Variants in PLCH1 observed in about 807,000 individuals in gnomAD.
PLCH1 encodes the protein phospholipase C eta 1, also known as 1-phosphatidylinositol 4,5-bisphosphate phosphodiesterase eta-1.
In PLCH1, 60 loss-of-function variants were observed where a neutral mutation model predicts 126.7. That is an observed-to-expected ratio of 0.47 (90% CI 0.38 to 0.59). The LOEUF (loss-of-function observed/expected upper bound fraction) is 0.59, where lower values mean the gene tolerates loss of function less well. PLCH1 is among the 20% of genes least tolerant of loss of function. The pLI, the probability that PLCH1 is intolerant of heterozygous loss-of-function variation, is 0.00. For missense variants in PLCH1, 1,723 were observed against 2,040.0 expected (o/e 0.84, Z 2.99); for synonymous variants, 719 against 734.9 (o/e 0.98, Z 0.35).
intron 14 of PLCH1, among the ~76,000 whole-genome samples, chr3:155,499,520 G>A (rs1717574570): frequency 6.6e-6 from 1 of 152,118 alleles, no homozygotes; most frequent in Non-Finnish European, 1.5e-5. Flanking sequence ...TCATCCTAGA[G>A]GTGCATTAGG....
At chr3:155,669,330 G>T (rs1040975503) in intron 2 of PLCH1, among the ~76,000 whole-genome samples, 3 of 152,176 alleles carry the variant, frequency 2.0e-5, no homozygotes, top group African/African-American at 7.2e-5. Flanking sequence ...TGTAATCCCA[G>T]CATTCTGGGA....
chr3:155,597,194 C>T (rs1392712648), intron 2 of PLCH1, among the ~76,000 whole-genome samples: 2 of 152,142 alleles, frequency 1.3e-5, no homozygotes, highest in South Asian at 2.1e-4. Context: ...TGCCAATCAC[C>T]CCAGTGAAAG....
chr3:155,650,169 C>G (rs778587216), intron 2 of PLCH1, among the ~76,000 whole-genome samples: 18 of 152,036 alleles, frequency 1.2e-4, no homozygotes, highest in Non-Finnish European at 2.2e-4. Flanking sequence ...TGCTATTTTA[C>G]TCTCATTATA....
At chr3:155,567,376 T>G (rs971785071) in intron 7 of PLCH1, among the ~76,000 whole-genome samples, 15 of 152,064 alleles carry the variant, frequency 9.9e-5, no homozygotes, top group African/African-American at 3.4e-4. Flanking sequence ...CGGCTAATGA[T>G]CTAAGATTTT....
At chr3:155,713,236 C>T (rs187516183) in intron 1 of PLCH1, among the ~76,000 whole-genome samples, 32 of 152,226 alleles carry the variant, frequency 2.1e-4, no homozygotes, top group Admixed American at 1.8e-3. Flanking sequence ...CCACCATTCA[C>T]CCCAACTCTA....
At position 155,483,344 on chromosome 3, in the gene PLCH1, A is replaced by G. The variant is rs1424123354; in HGVS notation, c.2975-293T>C. Reference sequence around the variant, plus strand: ...GAGTTACCATACTTTTACAGTGAGGATTACCTTAAGTTGTTTCCTATTCAG... The same window carrying G: ...GAGTTACCATACTTTTACAGTGAGGGTTACCTTAAGTTGTTTCCTATTCAG... On this transcript the variant is annotated intron_variant, in intron 22 of 22. Transcript: ENST00000460012. 7 of 1,535,554 alleles carry G rather than the reference A, an allele frequency of 4.6e-6. No individual in the cohort carries two copies. The Admixed American group carries it at 6.0e-5, about 13-fold the overall frequency.
chr3:155,479,850 T>C (rs1259693856), downstream of PLCH1: 1 of 152,142 alleles, frequency 6.6e-6, no homozygotes, highest in Non-Finnish European at 1.5e-5. Flanking sequence ...AGTCATCATA[T>C]GAATTTCAAT....
In PLCH1 at chr3:155,469,268, C is replaced by T. The variant is rs180850126; in HGVS notation, c.2938+16088G>A. On this transcript the variant is annotated intron_variant, in intron 21 of 21. Transcript: ENST00000494598. The stretch of plus-strand genomic sequence containing the variant: ...GCGAGGCATTGCCTCACTTGGGAAG[C>T]GCAAGGGGTCAGGGAGTGCCCTTTC... Among the ~76,000 whole-genome samples, 539 of 152,200 alleles carry T rather than the reference C, an allele frequency of 3.5e-3. 1 individual carries two copies. The highest frequency in any genetic ancestry group is 0.011 in the African/African-American group (462 of 41,504).
In PLCH1 at chr3:155,535,866, C is replaced by T. The variant is rs561103877; in HGVS notation, c.1363-11862G>A. On this transcript the variant is annotated intron_variant, in intron 10 of 22. Coordinates refer to ENST00000460012, the MANE Select transcript of PLCH1 (RefSeq NM_014996.4). ...GGAGGATAACCAACAACTAGCACAA[C>T]CAGCATTCGAGAAAACCAGCACACT... Among the ~76,000 whole-genome samples the T allele has an allele frequency of 2.4e-4, 36 of 152,288 alleles. 1 individual carries two copies. In the South Asian group the frequency reaches 7.5e-3, roughly 32 times the overall value.
intron 10 of PLCH1, 105 bp downstream of exon 10, chr3:155,549,682 T>C: frequency 3.9e-6 from 3 of 773,300 alleles, no homozygotes; most frequent in East Asian, 2.6e-5. Flanking sequence ...CCTTCATATA[T>C]TGATTCTAAT....
At chr3:155,458,057 T>C (rs946925992) in intron 21 of PLCH1, among the ~76,000 whole-genome samples, 10 of 152,040 alleles carry the variant, frequency 6.6e-5, no homozygotes, top group African/African-American at 2.4e-4. Flanking sequence ...AAAGTGTGGG[T>C]AAGGCCGGGG....
At chr3:155,723,704 C>T (rs1200671269) in intron 1 of PLCH1, among the ~76,000 whole-genome samples, 1 of 151,956 alleles carries the variant, frequency 6.6e-6, no homozygotes, top group Non-Finnish European at 1.5e-5. Context: ...GCTTAAAATC[C>T]CAGCATTTTG....
In PLCH1 at chr3:155,509,187, G is replaced by A. The variant is rs532036991; in HGVS notation, c.1633-4561C>T. ...CTTATGGTAGTTTGCATTTCTGTGC[G>A]ATCAGTGGTGATATCCCCTTTATCA... is the stretch of plus-strand genomic sequence containing the variant. On this transcript the variant is annotated intron_variant, in intron 12 of 22. Coordinates refer to ENST00000460012, the MANE Select transcript of PLCH1 (RefSeq NM_014996.4). Among the ~76,000 whole-genome samples, 8 of 136,208 alleles carry A rather than the reference G, an allele frequency of 5.9e-5. No homozygotes were observed. The South Asian group carries it at 1.4e-3, about 23-fold the overall frequency. 89.4% of individuals were successfully genotyped at this position (136,208 alleles called of 152,430 possible).
chr3:155,555,275 C>G (rs1726673462), intron 8 of PLCH1, among the ~76,000 whole-genome samples: 1 of 152,202 alleles, frequency 6.6e-6, no homozygotes, highest in South Asian at 2.1e-4. Context: ...GGGAACACAG[C>G]TGGACTCTAT....
intron 4 of PLCH1, among the ~76,000 whole-genome samples, chr3:155,589,579 T>G (rs903188733): frequency 2.0e-5 from 3 of 152,124 alleles, no homozygotes; most frequent in African/African-American, 7.2e-5. Context: ...ACATAACAGG[T>G]GGCCTAAAGC....
chr3:155,733,257 G>A (rs1400725278), intron 1 of PLCH1, among the ~76,000 whole-genome samples: 3 of 152,052 alleles, frequency 2.0e-5, no homozygotes. Flanking sequence ...CCTGAATAGA[G>A]AAAGCAATCT....
At chr3:155,577,659 T>C (rs2108569827) in intron 6 of PLCH1, among the ~76,000 whole-genome samples, 1 of 152,322 alleles carries the variant, frequency 6.6e-6, no homozygotes, top group East Asian at 1.9e-4. Flanking sequence ...AATTAAACTA[T>C]ATACAGTTAA....
intron 21 of PLCH1, among the ~76,000 whole-genome samples, chr3:155,468,917 T>C (rs891206587): frequency 2.6e-5 from 4 of 152,080 alleles, no homozygotes; most frequent in Non-Finnish European, 4.4e-5. Flanking sequence ...ACAGACAAAA[T>C]AGATCTAACA....
chr3:155,514,100 A>G (rs909274610), intron 12 of PLCH1, among the ~76,000 whole-genome samples: 23 of 152,202 alleles, frequency 1.5e-4, no homozygotes, highest in African/African-American at 5.1e-4. Flanking sequence ...GACACCACTG[A>G]GCCTTGGGAT....
Sources: gnomAD v4.1 joint callset for allele counts (sites outside exome capture counted in the v4.1 genomes callset) on GRCh38, gnomAD v4.1.1 for gene constraint, MANE v1.5 for transcripts, NCBI Gene and HGNC (gene_info 2026-07-23, HGNC 2026-07-21) for gene names.